Variants in PPP4R2 observed in about 807,000 individuals in gnomAD.
PPP4R2 encodes the protein serine/threonine-protein phosphatase 4 regulatory subunit 2.
A neutral mutation model predicts 47.2 loss-of-function variants in PPP4R2; 13 were observed. That is an observed-to-expected ratio of 0.28 (90% CI 0.18 to 0.44). PPP4R2 has a LOEUF of 0.44. Ranked by LOEUF, PPP4R2 falls within the 20% of genes least tolerant of loss-of-function variation. The pLI, the probability that PPP4R2 is intolerant of heterozygous loss-of-function variation, is 1.00. For missense variants in PPP4R2, 421 were observed against 491.2 expected, an observed-to-expected ratio of 0.86 and a Z score of 1.35; for synonymous variants, 151 against 163.3, an observed-to-expected ratio of 0.92 and a Z score of 0.57.
chr3:73,063,656 A>G lies in PPP4R2; in HGVS notation c.420-17A>G, dbSNP rs1215599482. ...AAAAAATTAAGTCATCCACAAGTGTATTTTCTTTTCTTATAGGAAAAACAA... is the reference window on the plus strand; with the variant it reads ...AAAAAATTAAGTCATCCACAAGTGTGTTTTCTTTTCTTATAGGAAAAACAA... On this transcript the variant is annotated splice_polypyrimidine_tract_variant and intron_variant, in intron 5 of 8. Coordinates refer to ENST00000356692, the MANE Select transcript of PPP4R2 (RefSeq NM_174907.4). 1 of 1,479,698 alleles carries G rather than the reference A, an allele frequency of 6.8e-7. No individual in the cohort carries two copies. Among genetic ancestry groups the G allele is most frequent in the South Asian group, 1.1e-5 (1 of 87,780 alleles). The allele number at this position is 1,479,698 out of a possible 1,614,324, so 91.7% of individuals were successfully genotyped here.
At chr3:73,000,487 C>G (rs1701436789) in intron 2 of PPP4R2, among the ~76,000 whole-genome samples, 1 of 152,174 alleles carries the variant, frequency 6.6e-6, no homozygotes, top group Non-Finnish European at 1.5e-5. Context: ...TGATTTGACA[C>G]TTGCTTTTAG....
chr3:73,011,203 G>A (rs1344541429), intron 2 of PPP4R2, among the ~76,000 whole-genome samples: 1 of 152,206 alleles, frequency 6.6e-6, no homozygotes, highest in East Asian at 1.9e-4. Flanking sequence ...TTTCAGGCCA[G>A]GTGCGGTGGC....
intron 2 of PPP4R2, chr3:73,014,941 T>TG (rs1701792807): frequency 1.4e-6 from 1 of 693,684 alleles, no homozygotes; most frequent in African/African-American, 1.8e-5. Flanking sequence ...TGGCCTCAAG[T>TG]GATCCACCTG....
intron 2 of PPP4R2, among the ~76,000 whole-genome samples, chr3:73,035,815 G>A (rs780640333): frequency 2.6e-5 from 4 of 151,970 alleles, no homozygotes; most frequent in Non-Finnish European, 5.9e-5. Context: ...TAGTAGAGAC[G>A]GGCTTTCACC....
intron 2 of PPP4R2, chr3:73,015,828 C>T (rs1436345427): frequency 2.5e-5 from 11 of 438,930 alleles, no homozygotes; most frequent in Admixed American, 9.7e-5. Context: ...TTAGTAGAGA[C>T]GGGGTTTCAC....
chr3:73,023,857 TAATA>T (rs1559553987), intron 2 of PPP4R2, among the ~76,000 whole-genome samples: 1 of 152,202 alleles, frequency 6.6e-6, no homozygotes, highest in African/African-American at 2.4e-5. Flanking sequence ...TTTTCAGGTA[TAATA>T]TACTTGGAAG....
chr3:73,023,466 A>G (rs1702000048), intron 2 of PPP4R2, among the ~76,000 whole-genome samples: 1 of 152,178 alleles, frequency 6.6e-6, no homozygotes, highest in Non-Finnish European at 1.5e-5. Context: ...GATTAGAGGC[A>G]TGAGCCACAG....
intron 2 of PPP4R2, among the ~76,000 whole-genome samples, chr3:73,046,445 T>C (rs1036991897): frequency 2.6e-5 from 4 of 152,212 alleles, no homozygotes; most frequent in African/African-American, 9.7e-5. Context: ...GACTCCCGTG[T>C]CTCCTGGAAT....
chr3:73,033,245 T>C (rs541871362), intron 2 of PPP4R2, among the ~76,000 whole-genome samples: 13 of 152,334 alleles, frequency 8.5e-5, no homozygotes, highest in African/African-American at 2.6e-4. Flanking sequence ...TTGAAAATTA[T>C]TGTCTCTCTG....
rs200829857 is a variant in PPP4R2 at position 73,065,618 on chromosome 3, G to A, written c.1150G>A (p.Val384Ile). Residue 384 changes from valine (V) to isoleucine (I), a missense_variant, in exon 9 of 9, where the codon GTA (valine) becomes ATA (isoleucine). Coordinates refer to ENST00000356692, the MANE Select transcript of PPP4R2 (RefSeq NM_174907.4). ...TGACTGCCGTGAAACAGAAGAATTA[G>A]TAGGATCCAATTCCAGTAAAACTGG... ...SSDCRETEEL[V>I]GSNSSKTGEI... is the part of the protein sequence containing the mutation. 1 of 1,613,340 alleles carries A rather than the reference G, an allele frequency of 6.2e-7. No individual in the cohort carries two copies. The highest frequency in any genetic ancestry group is 1.3e-5 in the African/African-American group (1 of 74,918).
intron 2 of PPP4R2, among the ~76,000 whole-genome samples, chr3:73,034,156 T>C (rs1702220343): frequency 6.6e-6 from 1 of 152,332 alleles, no homozygotes; most frequent in Non-Finnish European, 1.5e-5. Context: ...TTTTTTCTTT[T>C]TAAACTGGTC....
chr3:73,067,733 T>C lies in PPP4R2; in HGVS notation c.*2011T>C, dbSNP rs1703030087. ...CATTTGTAAACAAATTGATTTACTT[T>C]TGTTGGTTGTAAGTTGAAGATTTAG... On this transcript the variant is annotated 3_prime_UTR_variant, in exon 9 of 9. Coordinates refer to ENST00000356692, the MANE Select transcript of PPP4R2 (RefSeq NM_174907.4). 1 of 152,172 alleles carries C rather than the reference T, an allele frequency of 6.6e-6. No homozygotes were observed. The highest frequency in any genetic ancestry group is 2.4e-5 in the African/African-American group (1 of 41,454). The allele number at this position is 152,172 out of a possible 1,614,324, so 9.4% of individuals were successfully genotyped here. A position where few individuals can be genotyped will look rare whatever the true frequency, so the allele number is the denominator to read the frequency against.
rs201397161 is a variant in PPP4R2 at position 73,065,619 on chromosome 3, T to G, written c.1151T>G (p.Val384Gly). ...SSDCRETEEL[V>G]GSNSSKTGEI... is the part of the protein sequence containing the mutation. ...GACTGCCGTGAAACAGAAGAATTAG[T>G]AGGATCCAATTCCAGTAAAACTGGA... Residue 384 changes from valine to glycine, a missense_variant, in exon 9 of 9, where the codon GTA (valine) becomes GGA (glycine). Val to Gly is a moderately radical substitution (Grantham distance 109, BLOSUM62 -3). This residue lies in a region of PPP4R2 where 317 missense variants were observed against 287.5 expected (regional missense o/e 1.10). Transcript: ENST00000356692. 62 of 1,612,928 alleles carry G rather than the reference T, an allele frequency of 3.8e-5. No individual in the cohort carries two copies. The highest frequency in any genetic ancestry group is 5.1e-5 in the Non-Finnish European group (60 of 1,179,110).
chr3:73,063,946 T>A, intron 6 of PPP4R2, 57 bp from the exon 7 acceptor site: 1 of 1,489,910 alleles, frequency 6.7e-7, no homozygotes, highest in Non-Finnish European at 9.1e-7. Flanking sequence ...TCAACATACC[T>A]TAAGAGGGAT....
chr3:73,039,554 G>C lies in PPP4R2; in HGVS notation c.117-7632G>C, dbSNP rs184410152. Among the ~76,000 whole-genome samples the C allele has an allele frequency of 3.1e-3, 478 of 152,264 alleles. 1 individual carries two copies. Among genetic ancestry groups the C allele is most frequent in the African/African-American group, 0.011 (442 of 41,544 alleles). ...GCAAAAGACAGATAATTTTAGAGAG[G>C]TGGGGAATGGGCCCATGGTTCTTAA... On this transcript the variant is annotated intron_variant, in intron 2 of 8. Coordinates refer to ENST00000356692, the MANE Select transcript of PPP4R2 (RefSeq NM_174907.4).
At chr3:73,062,776 T>A in intron 5 of PPP4R2, 1 of 1,613,934 alleles carries the variant, frequency 6.2e-7, no homozygotes, top group Non-Finnish European at 8.5e-7. Flanking sequence ...GATCTGCTAA[T>A]CAGCTGCAAT....
chr3:73,061,025 T>C lies in PPP4R2; in HGVS notation c.384T>C (p.Asn128=). 6.4e-7 allele frequency: 1 copy of C among 1,558,776 alleles called. No homozygotes were observed. The highest frequency in any genetic ancestry group is 8.7e-7 in the Non-Finnish European group (1 of 1,147,744). The change falls in exon 5 of 9, where the codon AAT becomes AAC. Residue 128 remains asparagine, a splice_region_variant and synonymous_variant. Transcript: ENST00000356692. The part of the protein sequence containing the change: ...TDKFLRGVEK[N]VMVVSCVYPS... ...ATCACTGATTTTTGTTATTGCAGAATGTGATGGTTGTTAGCTGTGTTTATC... is the reference window on the plus strand; with the variant it reads ...ATCACTGATTTTTGTTATTGCAGAACGTGATGGTTGTTAGCTGTGTTTATC...
At chr3:73,033,668 G>A (rs1184762342) in intron 2 of PPP4R2, among the ~76,000 whole-genome samples, 1 of 152,064 alleles carries the variant, frequency 6.6e-6, no homozygotes, top group Non-Finnish European at 1.5e-5. Context: ...TATAAATTCT[G>A]TACCCATTAA....
chr3:73,049,321 A>ACC lies in PPP4R2; in HGVS notation c.287+1968_287+1969dup, dbSNP rs373542435. Reference sequence around the variant, plus strand: ...AGACCATCCTGGCTAACACGGTGAAACCCCGTCTCTACTAAAAATACAGAA... The same window carrying ACC: ...AGACCATCCTGGCTAACACGGTGAAACCCCCCGTCTCTACTAAAAATACAGAA... On this transcript the variant is annotated intron_variant, in intron 3 of 8. Transcript: ENST00000356692. Among the ~76,000 whole-genome samples the ACC allele has an allele frequency of 2.4e-4, 36 of 152,174 alleles. 1 individual carries two copies. Among genetic ancestry groups the ACC allele is most frequent in the African/African-American group, 8.4e-4 (35 of 41,526 alleles).
Sources: allele counts gnomAD v4.1 joint callset (sites outside exome capture counted in the v4.1 genomes callset), GRCh38; gene constraint gnomAD v4.1.1; regional missense constraint gnomAD v4.1.1; transcripts MANE v1.5; gene names NCBI Gene and HGNC (gene_info 2026-07-23, HGNC 2026-07-21).